Variants in CSMD1 observed in about 807,000 individuals in gnomAD.
CSMD1 encodes CUB and Sushi multiple domains 1.
A neutral mutation model predicts 417.5 loss-of-function variants in CSMD1; 213 were observed. That is an observed-to-expected ratio of 0.51 (90% CI 0.46 to 0.57). CSMD1 has a LOEUF of 0.57. CSMD1 is among the 20% of genes least tolerant of loss of function. CSMD1 has a pLI of 0.00. For missense variants in CSMD1, 6,923 were observed against 4,529.7 expected (o/e 1.53, Z -15.17); for synonymous variants, 2,862 against 1,736.8 (o/e 1.65, Z -16.11).
chr8:3,223,809 T>A lies in CSMD1; in HGVS notation c.4404A>T (p.Pro1468=), dbSNP rs1038605763. Residue 1468 remains proline (P), a synonymous_variant, in exon 28 of 70, where the codon CCA becomes CCT. Coordinates refer to ENST00000635120, the MANE Select transcript of CSMD1 (RefSeq NM_033225.6). ...PAGVILSPNY[P]QPYPPGKECD... ...ATTCCTTCCCAGGAGGATACGGCTG[T>A]GGGTAGTTGGGTGACAAAATAACAC... The A allele has an allele frequency of 6.2e-7, 1 of 1,613,730 alleles. No homozygotes were observed. Among genetic ancestry groups the A allele is most frequent in the Non-Finnish European group, 8.5e-7 (1 of 1,179,826 alleles).
intron 29 of CSMD1, among the ~76,000 whole-genome samples, chr8:3,216,750 T>C (rs1032008838): frequency 3.3e-5 from 5 of 152,260 alleles, no homozygotes; most frequent in Middle Eastern, 3.2e-3. Context: ...CACTTATGCA[T>C]ACCTTTGAGC....
intron 3 of CSMD1, among the ~76,000 whole-genome samples, chr8:4,393,156 A>C (rs529931566): frequency 1.3e-5 from 2 of 152,082 alleles, no homozygotes; most frequent in African/African-American, 4.8e-5. Flanking sequence ...TTGTATTTTT[A>C]GTAGAGACGA....
intron 7 of CSMD1, among the ~76,000 whole-genome samples, chr8:3,630,667 G>GA (rs954028023): frequency 1.3e-5 from 2 of 152,054 alleles, no homozygotes; most frequent in Non-Finnish European, 2.9e-5. Context: ...TTGCGTTCGA[G>GA]AAAAAATGTG....
chr8:3,023,366 A>C (rs1047434491), intron 51 of CSMD1, among the ~76,000 whole-genome samples: 2 of 152,218 alleles, frequency 1.3e-5, no homozygotes, highest in Non-Finnish European at 2.9e-5. Flanking sequence ...TTCTGTGATA[A>C]ATGTTTTTCT....
rs75547309 is a variant in CSMD1, at chr8:2,978,249, C to T, written c.8566+363G>A. Reference sequence around the variant, plus strand: ...CCACCTGGGCTGAGCGAGAGTAAGACGCCTGGCGGGGAGGTCCTGGCTGCC... The same window carrying T: ...CCACCTGGGCTGAGCGAGAGTAAGATGCCTGGCGGGGAGGTCCTGGCTGCC... On this transcript the variant is annotated intron_variant, in intron 55 of 69. Transcript: ENST00000635120. Among the ~76,000 whole-genome samples the T allele has an allele frequency of 2.7e-3, 418 of 152,258 alleles. 4 individuals are homozygous for T. The highest frequency in any genetic ancestry group is 9.6e-3 in the African/African-American group (397 of 41,548).
intron 1 of CSMD1, among the ~76,000 whole-genome samples, chr8:4,716,110 ACT>A (rs1808637653): frequency 6.6e-6 from 1 of 152,014 alleles, no homozygotes; most frequent in Admixed American, 6.5e-5. Context: ...TAGTCGGGAG[ACT>A]CACAGAGCTG....
intron 50 of CSMD1, among the ~76,000 whole-genome samples, chr8:3,039,857 G>C (rs945994997): frequency 2.0e-5 from 3 of 152,172 alleles, no homozygotes; most frequent in African/African-American, 4.8e-5. Flanking sequence ...CCAAATATCA[G>C]CATTCATATT....
chr8:4,471,790 T>C (rs1800551483), intron 2 of CSMD1, among the ~76,000 whole-genome samples: 1 of 151,978 alleles, frequency 6.6e-6, no homozygotes, highest in Non-Finnish European at 1.5e-5. Flanking sequence ...AGGAGCAATA[T>C]ATAGATGTTA....
rs1408156708 is a variant in CSMD1 at position 3,715,748 on chromosome 8, G to A, written c.932-7257C>T. Among the ~76,000 whole-genome samples, 6 of 152,074 alleles carry A rather than the reference G, an allele frequency of 3.9e-5. 1 individual carries two copies. Among genetic ancestry groups the A allele is most frequent in the Admixed American group, 3.3e-4 (5 of 15,260 alleles). On this transcript the variant is annotated intron_variant, in intron 6 of 69. Transcript: ENST00000635120. Reference sequence around the variant, plus strand: ...AGTAGAGACACGGTTTCACCATGTTGGCCAAACTGGTCTCAAACTCCCGAC... The same window carrying A: ...AGTAGAGACACGGTTTCACCATGTTAGCCAAACTGGTCTCAAACTCCCGAC...
At chr8:3,535,658 C>G (rs1229779785) in intron 10 of CSMD1, among the ~76,000 whole-genome samples, 1 of 152,182 alleles carries the variant, frequency 6.6e-6, no homozygotes, top group Non-Finnish European at 1.5e-5. Context: ...GTCTTAACCA[C>G]TACAAAATCT....
At chr8:4,702,576 G>A (rs188321719) in intron 1 of CSMD1, among the ~76,000 whole-genome samples, 18 of 152,244 alleles carry the variant, frequency 1.2e-4, no homozygotes, top group African/African-American at 2.6e-4. Flanking sequence ...GAAAGGTTCC[G>A]TAGGAGAACA....
chr8:3,543,265 G>A (rs1475407812), intron 10 of CSMD1, among the ~76,000 whole-genome samples: 3 of 152,222 alleles, frequency 2.0e-5, no homozygotes, highest in African/African-American at 7.2e-5. Flanking sequence ...GGTGAGGCAT[G>A]TTTTACAGAG....
intron 1 of CSMD1, among the ~76,000 whole-genome samples, chr8:4,677,363 T>A (rs891583718): frequency 1.3e-5 from 2 of 152,036 alleles, no homozygotes; most frequent in Non-Finnish European, 1.5e-5. Flanking sequence ...TTATTTATCT[T>A]GGATAATGGG....
At chr8:4,993,158 G>C (rs187057187) in intron 1 of CSMD1, among the ~76,000 whole-genome samples, 41 of 152,310 alleles carry the variant, frequency 2.7e-4, no homozygotes, top group Non-Finnish European at 2.9e-4. Context: ...AGAATCTAGA[G>C]AGGACGGGGA....
chr8:3,732,642 C>T (rs1345659475), intron 6 of CSMD1, among the ~76,000 whole-genome samples: 2 of 152,104 alleles, frequency 1.3e-5, no homozygotes, highest in African/African-American at 4.8e-5. Context: ...GGTTTGTTTG[C>T]TTGTTTGAAC....
intron 2 of CSMD1, among the ~76,000 whole-genome samples, chr8:4,445,688 C>T (rs1488874983): frequency 6.6e-6 from 1 of 152,114 alleles, no homozygotes; most frequent in African/African-American, 2.4e-5. Context: ...TTGTCACTTT[C>T]CCACAACTTG....
chr8:3,028,978 A>G (rs1380343963), intron 51 of CSMD1, among the ~76,000 whole-genome samples: 2 of 152,198 alleles, frequency 1.3e-5, no homozygotes, highest in African/African-American at 4.8e-5. Flanking sequence ...ATTTCCCAAG[A>G]TCCCAATTAG....
intron 33 of CSMD1, among the ~76,000 whole-genome samples, chr8:3,194,750 A>C (rs932326782): frequency 6.6e-6 from 1 of 151,944 alleles, no homozygotes; most frequent in African/African-American, 2.4e-5. Context: ...GATTATAGGC[A>C]TGAGCCACCA....
intron 26 of CSMD1, among the ~76,000 whole-genome samples, chr8:3,274,033 T>G (rs1226917234): frequency 6.6e-6 from 1 of 151,848 alleles, no homozygotes; most frequent in African/African-American, 2.4e-5. Flanking sequence ...GTGTCAATTT[T>G]GGATCTTTCC....
Sources: gnomAD v4.1 joint callset for allele counts (sites outside exome capture counted in the v4.1 genomes callset) on GRCh38, gnomAD v4.1.1 for gene constraint, MANE v1.5 for transcripts, NCBI Gene and HGNC (gene_info 2026-07-23, HGNC 2026-07-21) for gene names.